Variants in NBAS observed in about 807,000 individuals in gnomAD.
NBAS encodes the protein NBAS subunit of NRZ tethering complex.
NBAS carries 219 observed loss-of-function variants against 302.5 expected under a neutral mutation model. The ratio of observed to expected loss-of-function variants is 0.72; its 90% confidence interval spans 0.65 to 0.81. NBAS has a LOEUF of 0.81. NBAS is among the 30% of genes least tolerant of loss of function. NBAS has a pLI of 0.00. For synonymous variants in NBAS, 1,118 were observed against 1,021.6 expected (o/e 1.09, Z -1.80); for missense variants, 2,932 against 2,841.6 (o/e 1.03, Z -0.72).
At chr2:14,790,161 C>G in the NBAS span, among the ~76,000 whole-genome samples, 1 of 152,224 alleles carries the variant, frequency 6.6e-6, no homozygotes, top group Non-Finnish European at 1.5e-5. Context: ...TTCTCTGAGT[C>G]AGGAGTACAA....
chr2:15,260,488 T>C (rs1367813213), intron 44 of NBAS, among the ~76,000 whole-genome samples: 2 of 152,040 alleles, frequency 1.3e-5, no homozygotes, highest in Non-Finnish European at 2.9e-5. Context: ...TTTAAGCTTC[T>C]GAGTGACCCA....
the NBAS span, among the ~76,000 whole-genome samples, chr2:15,140,580 G>A: frequency 2.0e-5 from 3 of 152,198 alleles, no homozygotes; most frequent in African/African-American, 7.2e-5. Flanking sequence ...GTACAGGAAA[G>A]CATTTGGTAA....
chr2:14,963,299 A>G, the NBAS span, among the ~76,000 whole-genome samples: 1 of 152,100 alleles, frequency 6.6e-6, no homozygotes, highest in Non-Finnish European at 1.5e-5. Context: ...AATCAAAAAT[A>G]AAGTTCCTAT....
chr2:14,924,297 T>C, the NBAS span, among the ~76,000 whole-genome samples: 2 of 152,192 alleles, frequency 1.3e-5, no homozygotes, highest in African/African-American at 4.8e-5. Context: ...TCCCCAAAAA[T>C]ATATTCAGGA....
chr2:15,206,735 C>A (rs1422292338), intron 48 of NBAS, among the ~76,000 whole-genome samples: 1 of 152,236 alleles, frequency 6.6e-6, no homozygotes, highest in Non-Finnish European at 1.5e-5. Flanking sequence ...TCAGAGAGTG[C>A]AAGCCAAGCC....
intron 31 of NBAS, among the ~76,000 whole-genome samples, chr2:15,373,252 TACC>T: frequency 6.6e-6 from 1 of 152,332 alleles, no homozygotes; most frequent in Middle Eastern, 3.4e-3. Flanking sequence ...TTGCTTAAGA[TACC>T]ACAAGATAGT....
chr2:14,987,709 G>A, the NBAS span, among the ~76,000 whole-genome samples: 27 of 151,938 alleles, frequency 1.8e-4, no homozygotes, highest in Admixed American at 5.2e-4. Context: ...ATAAAAACTC[G>A]GAAAGCATGA....
intron 1 of NBAS, among the ~76,000 whole-genome samples, chr2:15,560,179 G>A (rs898074100): frequency 4.6e-5 from 7 of 151,928 alleles, no homozygotes; most frequent in South Asian, 2.1e-4. Context: ...CTTCCTCTGG[G>A]TCTAAAACAG....
At chr2:15,027,852 G>A in the NBAS span, among the ~76,000 whole-genome samples, 1 of 152,018 alleles carries the variant, frequency 6.6e-6, no homozygotes, top group African/African-American at 2.4e-5. Flanking sequence ...ATAGCGACTG[G>A]TGCTGAATTT....
chr2:14,889,767 T>C, the NBAS span, among the ~76,000 whole-genome samples: 1 of 152,198 alleles, frequency 6.6e-6, no homozygotes, highest in Non-Finnish European at 1.5e-5. Context: ...AGGTTCCTAC[T>C]CTATAAAATG....
intron 21 of NBAS, among the ~76,000 whole-genome samples, chr2:15,439,711 C>T (rs1678245618): frequency 6.6e-6 from 1 of 152,194 alleles, no homozygotes; most frequent in Non-Finnish European, 1.5e-5. Context: ...GGCATTGCCT[C>T]ACTCGGGAAG....
the NBAS span, among the ~76,000 whole-genome samples, chr2:14,838,475 T>C: frequency 5.9e-5 from 9 of 152,166 alleles, no homozygotes; most frequent in Non-Finnish European, 1.0e-4. Context: ...AACTTTTATC[T>C]GGTTATATAT....
the NBAS span, among the ~76,000 whole-genome samples, chr2:14,916,004 A>C: frequency 6.6e-6 from 1 of 151,278 alleles, no homozygotes; most frequent in Non-Finnish European, 1.5e-5. Context: ...GTCCAATAAA[A>C]CTCTTTCTTT....
intron 37 of NBAS, 76 bp downstream of exon 37, chr2:15,328,122 GA>G: frequency 1.4e-6 from 2 of 1,409,724 alleles, no homozygotes; most frequent in South Asian, 2.4e-5. Flanking sequence ...ATATTTTCAA[GA>G]AAATTTTAGT....
chr2:15,119,222 A>G, the NBAS span, among the ~76,000 whole-genome samples: 1 of 152,124 alleles, frequency 6.6e-6, no homozygotes, highest in Non-Finnish European at 1.5e-5. Flanking sequence ...GCTATGTGCC[A>G]GAGTGTGGCC....
the NBAS span, among the ~76,000 whole-genome samples, chr2:15,108,631 C>T: frequency 6.6e-6 from 1 of 152,082 alleles, no homozygotes; most frequent in Non-Finnish European, 1.5e-5. Flanking sequence ...ACCTAGGCCA[C>T]ATAACAAAGA....
At chr2:15,115,245 C>T in the NBAS span, among the ~76,000 whole-genome samples, 1 of 152,116 alleles carries the variant, frequency 6.6e-6, no homozygotes, top group East Asian at 1.9e-4. Flanking sequence ...TCCAGTTTTG[C>T]CCCTGCATGC....
chr2:15,292,861 T>C (rs1670373999), intron 40 of NBAS, 95 bp from the exon 41 acceptor site: 1 of 1,212,926 alleles, frequency 8.2e-7, no homozygotes, highest in Non-Finnish European at 1.2e-6. Context: ...TGCAAGGAAC[T>C]GTTTGGCCCT....
At chr2:15,161,560 C>A in the NBAS span, among the ~76,000 whole-genome samples, 2 of 152,146 alleles carry the variant, frequency 1.3e-5, no homozygotes, top group Non-Finnish European at 2.9e-5. Context: ...AAGTTCACCC[C>A]TTTTCTAAGG....
Sources: gnomAD v4.1 joint callset for allele counts (sites outside exome capture counted in the v4.1 genomes callset) on GRCh38, gnomAD v4.1.1 for gene constraint, MANE v1.5 for transcripts, NCBI Gene and HGNC (gene_info 2026-07-23, HGNC 2026-07-21) for gene names.